Variants in RIMBP2 observed in about 807,000 individuals in gnomAD.
RIMBP2 encodes the protein RIMS-binding protein 2.
Under a neutral mutation model 118.6 loss-of-function variants are expected in RIMBP2, and 48 were observed. That is an observed-to-expected ratio of 0.40 (90% CI 0.32 to 0.51). The LOEUF is 0.51. Ranked by LOEUF, RIMBP2 falls within the 20% of genes least tolerant of loss-of-function variation. The pLI, the probability that RIMBP2 is intolerant of heterozygous loss-of-function variation, is 0.41. For missense variants in RIMBP2, 1,551 were observed against 1,768.3 expected, an observed-to-expected ratio of 0.88 and a Z score of 2.20; for synonymous variants, 762 against 742.9, an observed-to-expected ratio of 1.03 and a Z score of -0.42.
At chr12:130,545,237 A>G (rs530326653) in intron 2 of RIMBP2, among the ~76,000 whole-genome samples, 2 of 152,330 alleles carry the variant, frequency 1.3e-5, no homozygotes, top group South Asian at 2.1e-4. Context: ...TCTCGAGCAC[A>G]GGAGATGTTA....
intron 1 of RIMBP2, among the ~76,000 whole-genome samples, chr12:130,711,842 C>T (rs1167105260): frequency 1.3e-5 from 2 of 152,228 alleles, no homozygotes; most frequent in Non-Finnish European, 2.9e-5. Context: ...GCGCACCTCA[C>T]ACACAGGTAC....
chr12:130,711,034 G>A (rs1001548367), intron 1 of RIMBP2, among the ~76,000 whole-genome samples: 1 of 152,222 alleles, frequency 6.6e-6, no homozygotes, highest in Non-Finnish European at 1.5e-5. Flanking sequence ...CCTGAGGTCA[G>A]GAGTTCAAGA....
At position 130,438,359 on chromosome 12, in the gene RIMBP2, A is replaced by AACC; in HGVS notation, c.1656+5_1656+6insGGT. 6.5e-7 allele frequency: 1 copy of AACC among 1,540,788 alleles called. No individual in the cohort carries two copies. Among genetic ancestry groups the AACC allele is most frequent in the Non-Finnish European group, 8.9e-7 (1 of 1,119,866 alleles). The stretch of plus-strand genomic sequence containing the variant: ...AACCCTCCCCACCCACCCAACGAAA[A>AACC]CTCACCCTCTGCCCTTTGGCATACA... On this transcript the variant is annotated splice_donor_region_variant and intron_variant, in intron 12 of 22. Coordinates refer to ENST00000690449, the MANE Select transcript of RIMBP2 (RefSeq NM_001393629.1).
At position 130,437,131 on chromosome 12, in the gene RIMBP2, G is replaced by C; in HGVS notation, c.1817C>G (p.Pro606Arg). ...AAVPPELLVP[P>R]TPHPRPAPQS... ...GGGTGCAGGTCTCGGGTGGGGGGTAGGAGGCACCAGGAGCTCGGGGGGAAC... is the reference window on the plus strand; with the variant it reads ...GGGTGCAGGTCTCGGGTGGGGGGTACGAGGCACCAGGAGCTCGGGGGGAAC... The change falls in exon 13 of 23, where the codon CCT (proline) becomes CGT (arginine). Residue 606 changes from proline (P) to arginine (R), a missense_variant. By Grantham distance (103) the Pro-to-Arg change is moderately radical. Transcript: ENST00000690449. The C allele has an allele frequency of 3.8e-6, 6 of 1,584,050 alleles. No homozygotes were observed. The highest frequency in any genetic ancestry group is 5.2e-6 in the Non-Finnish European group (6 of 1,164,248).
intron 17 of RIMBP2, among the ~76,000 whole-genome samples, chr12:130,416,665 C>T (rs547974003): frequency 3.9e-4 from 60 of 152,234 alleles, no homozygotes; most frequent in African/African-American, 1.2e-3. Flanking sequence ...TCAGCCTTGG[C>T]AAAGAATTAT....
intron 1 of RIMBP2, among the ~76,000 whole-genome samples, chr12:130,701,548 G>A (rs1301747460): frequency 6.6e-6 from 1 of 152,192 alleles, no homozygotes; most frequent in Admixed American, 6.5e-5. Flanking sequence ...AGTCAGGCCC[G>A]CGTCTGAACA....
intron 2 of RIMBP2, among the ~76,000 whole-genome samples, chr12:130,536,122 GA>G (rs1371244703): frequency 6.6e-6 from 1 of 151,566 alleles, no homozygotes; most frequent in Non-Finnish European, 1.5e-5. Context: ...TTTATGGGTG[GA>G]AAAAAAAGGA....
chr12:130,607,170 C>A (rs2060242873), intron 2 of RIMBP2, among the ~76,000 whole-genome samples: 1 of 152,116 alleles, frequency 6.6e-6, no homozygotes, highest in Admixed American at 6.5e-5. Context: ...TACCAGTGAG[C>A]CTGAGGTGTA....
At chr12:130,550,615 A>C (rs1309751243) in intron 2 of RIMBP2, among the ~76,000 whole-genome samples, 1 of 152,212 alleles carries the variant, frequency 6.6e-6, no homozygotes, top group African/African-American at 2.4e-5. Flanking sequence ...TGTGAGTCTA[A>C]ACGTACTGCA....
intron 10 of RIMBP2, among the ~76,000 whole-genome samples, chr12:130,443,381 G>A (rs1299629704): frequency 6.6e-6 from 1 of 152,204 alleles, no homozygotes; most frequent in Non-Finnish European, 1.5e-5. Flanking sequence ...ACAGCAGACG[G>A]CCAGAAAACG....
At chr12:130,619,841 G>A (rs1343334269) in intron 2 of RIMBP2, among the ~76,000 whole-genome samples, 1 of 152,190 alleles carries the variant, frequency 6.6e-6, no homozygotes, top group Non-Finnish European at 1.5e-5. Flanking sequence ...TACTCTTGGA[G>A]ACTGCACAGG....
At chr12:130,694,263 G>A (rs1004962551) in intron 1 of RIMBP2, among the ~76,000 whole-genome samples, 3 of 152,166 alleles carry the variant, frequency 2.0e-5, no homozygotes, top group Non-Finnish European at 2.9e-5. Context: ...CCAGGGGAAC[G>A]AGCCATAAAC....
chr12:130,635,435 C>T (rs1284885290), intron 1 of RIMBP2, among the ~76,000 whole-genome samples: 1 of 152,220 alleles, frequency 6.6e-6, no homozygotes, highest in Non-Finnish European at 1.5e-5. Flanking sequence ...ATAGGCTGGA[C>T]TCTGCTGTGG....
intron 1 of RIMBP2, among the ~76,000 whole-genome samples, chr12:130,708,090 C>T (rs565867590): frequency 2.2e-4 from 33 of 152,154 alleles, no homozygotes; most frequent in Non-Finnish European, 4.7e-4. Context: ...CACCACAACA[C>T]GGGTGAACCT....
At chr12:130,692,903 G>A (rs1324811054) in intron 1 of RIMBP2, among the ~76,000 whole-genome samples, 1 of 151,862 alleles carries the variant, frequency 6.6e-6, no homozygotes, top group African/African-American at 2.4e-5. Flanking sequence ...GGATAGGATA[G>A]GGTAGGGTAG....
At chr12:130,692,875 GTAGGGTAGGGTAGGGTAGGA>G (rs1400280746) in intron 1 of RIMBP2, among the ~76,000 whole-genome samples, 20 of 147,740 alleles carry the variant, frequency 1.4e-4, no homozygotes, top group African/African-American at 5.1e-4. Context: ...GTAGGGTAGG[GTAGGGTAGGGTAGGGTAGGA>G]TAGGATAGGG....
At position 130,437,124 on chromosome 12, in the gene RIMBP2, G is replaced by A. The variant is rs143094071; in HGVS notation, c.1824C>T (p.Pro608=). The A allele has an allele frequency of 2.2e-4, 344 of 1,579,808 alleles. 3 individuals are homozygous for A. The highest frequency in any genetic ancestry group is 5.5e-5 in the African/African-American group (4 of 73,330). The change falls in exon 13 of 23, where the codon CCC becomes CCT. Residue 608 remains proline, a synonymous_variant. Coordinates refer to ENST00000690449, the MANE Select transcript of RIMBP2 (RefSeq NM_001393629.1). ...TTGATTGGGGTGCAGGTCTCGGGTG[G>A]GGGGTAGGAGGCACCAGGAGCTCGG... ...VPPELLVPPT[P]HPRPAPQSKP...
intron 4 of RIMBP2, among the ~76,000 whole-genome samples, chr12:130,479,619 G>A (rs527810765): frequency 4.7e-5 from 6 of 127,382 alleles, no homozygotes; most frequent in East Asian, 3.1e-4. Context: ...GCCTCGGGCC[G>A]AGTCCGCACC....
Position 130,602,559 on chromosome 12 carries a change from G to A in RIMBP2, c.-217+25763C>T, listed in dbSNP as rs1349500345. On this transcript the variant is annotated intron_variant, in intron 2 of 22. Coordinates refer to ENST00000690449, the MANE Select transcript of RIMBP2 (RefSeq NM_001393629.1). ...TGCTTCCCCAGGGACTCCTGTAAGC[G>A]TGGGATGGCTCCCGCCTTGTGTGCC... 2.6e-5 allele frequency among the ~76,000 whole-genome samples: 4 copies of A among 152,228 alleles called. No homozygotes were observed. In the South Asian group the frequency reaches 6.2e-4, roughly 24 times the overall value.
Sources: gnomAD v4.1 joint callset for allele counts (sites outside exome capture counted in the v4.1 genomes callset) on GRCh38, gnomAD v4.1.1 for gene constraint, MANE v1.5 for transcripts, NCBI Gene and HGNC (gene_info 2026-07-23, HGNC 2026-07-21) for gene names.